Variants in KSR2 observed in about 807,000 individuals in gnomAD.
KSR2 encodes kinase suppressor of ras 2.
KSR2 carries 25 observed loss-of-function variants against 107.8 expected under a neutral mutation model. The observed-to-expected ratio is 0.23, with a 90% confidence interval of 0.17 to 0.32. The LOEUF is 0.32. Ranked by LOEUF, KSR2 falls within the 10% of genes least tolerant of loss-of-function variation. The pLI is 1.00. For missense variants in KSR2, 887 were observed against 1,268.9 expected (o/e 0.70, Z 4.57); for synonymous variants, 480 against 507.0 (o/e 0.95, Z 0.71).
intron 5 of KSR2, among the ~76,000 whole-genome samples, chr12:117,666,169 A>G (rs567113970): frequency 1.3e-5 from 2 of 152,304 alleles, no homozygotes; most frequent in East Asian, 3.9e-4. Context: ...CACATGGTTC[A>G]TCAGTCCATA....
chr12:117,932,066 C>T (rs1037997992), intron 1 of KSR2, among the ~76,000 whole-genome samples: 1 of 151,990 alleles, frequency 6.6e-6, no homozygotes, highest in Non-Finnish European at 1.5e-5. Flanking sequence ...GCGGGTGGAT[C>T]GCCTGAGGTC....
chr12:117,777,139 T>TATTA (rs1555238943), intron 3 of KSR2, among the ~76,000 whole-genome samples: 2,490 of 136,722 alleles, frequency 0.018, 27 homozygotes, highest in South Asian at 0.042. Context: ...ATACACTATA[T>TATTA]TATATATATA....
At chr12:117,693,436 AAAGGG>A (rs531580594) in intron 4 of KSR2, among the ~76,000 whole-genome samples, 152 of 152,276 alleles carry the variant, frequency 1.0e-3, no homozygotes, top group South Asian at 6.8e-3. Context: ...CCTAAACTAG[AAAGGG>A]AAGTTCATTT....
At chr12:117,928,984 C>A (rs1327215943) in intron 1 of KSR2, among the ~76,000 whole-genome samples, 2 of 152,194 alleles carry the variant, frequency 1.3e-5, no homozygotes, top group Admixed American at 6.5e-5. Flanking sequence ...AAGGAAAACA[C>A]TTCGCCTTAA....
intron 14 of KSR2, among the ~76,000 whole-genome samples, chr12:117,497,489 G>A (rs938676052): frequency 6.6e-6 from 1 of 152,098 alleles, no homozygotes; most frequent in Non-Finnish European, 1.5e-5. Context: ...TCCACGCAGG[G>A]CAGCATCATC....
chr12:117,632,331 T>C (rs1420102725), intron 5 of KSR2, among the ~76,000 whole-genome samples: 1 of 150,248 alleles, frequency 6.7e-6, no homozygotes, highest in Non-Finnish European at 1.5e-5. Context: ...TTCAAGTGAT[T>C]CTCCTGCCTC....
intron 1 of KSR2, among the ~76,000 whole-genome samples, chr12:117,961,023 T>G (rs1896645039): frequency 6.6e-6 from 1 of 152,134 alleles, no homozygotes; most frequent in African/African-American, 2.4e-5. Context: ...GGTCTTGAAC[T>G]CCTGGGTTCA....
chr12:117,673,295 G>C (rs2136506500), intron 4 of KSR2, among the ~76,000 whole-genome samples: 1 of 152,292 alleles, frequency 6.6e-6, no homozygotes, highest in East Asian at 1.9e-4. Context: ...ATGAAGGACA[G>C]AGAGGATGGG....
At chr12:117,702,892 T>G (rs1886381790) in intron 4 of KSR2, among the ~76,000 whole-genome samples, 1 of 152,216 alleles carries the variant, frequency 6.6e-6, no homozygotes. Context: ...ATTACATGTT[T>G]GGGCCATTTT....
chr12:117,898,298 G>A (rs1218037923), intron 1 of KSR2, among the ~76,000 whole-genome samples: 1 of 151,998 alleles, frequency 6.6e-6, no homozygotes, highest in Non-Finnish European at 1.5e-5. Context: ...AGGAAAACAG[G>A]AGGTTTTTAT....
intron 14 of KSR2, among the ~76,000 whole-genome samples, chr12:117,487,023 TTTA>T (rs1327734032): frequency 6.6e-6 from 1 of 151,950 alleles, no homozygotes; most frequent in East Asian, 1.9e-4. Context: ...GAGCTTCAGT[TTTA>T]TTATCTGCAA....
chr12:117,514,851 T>C (rs867687301), intron 14 of KSR2, among the ~76,000 whole-genome samples: 18 of 151,876 alleles, frequency 1.2e-4, no homozygotes, highest in African/African-American at 3.9e-4. Context: ...CCCGGTCAGA[T>C]CTCTCTAGTT....
chr12:117,762,331 C>T (rs774056545), intron 3 of KSR2, among the ~76,000 whole-genome samples: 16 of 152,194 alleles, frequency 1.1e-4, no homozygotes, highest in Admixed American at 2.6e-4. Flanking sequence ...CCTCAGCCAC[C>T]GCATACTTCC....
At chr12:117,818,432 G>A (rs1891451999) in intron 3 of KSR2, among the ~76,000 whole-genome samples, 2 of 151,890 alleles carry the variant, frequency 1.3e-5, no homozygotes, top group African/African-American at 4.8e-5. Context: ...TGTAAAGTGA[G>A]AAGAATAAAA....
chr12:117,644,968 G>C (rs1883549894), intron 5 of KSR2, among the ~76,000 whole-genome samples: 1 of 152,192 alleles, frequency 6.6e-6, no homozygotes, highest in Non-Finnish European at 1.5e-5. Context: ...CAACCCAGTT[G>C]ATTCAGTGGA....
intron 3 of KSR2, among the ~76,000 whole-genome samples, chr12:117,787,702 T>C (rs1454838097): frequency 6.6e-6 from 1 of 151,296 alleles, no homozygotes; most frequent in Non-Finnish European, 1.5e-5. Flanking sequence ...AGTGGAAGGG[T>C]AAGTAAACCA....
intron 8 of KSR2, among the ~76,000 whole-genome samples, chr12:117,557,447 AG>A (rs1247578416): frequency 6.6e-6 from 1 of 152,204 alleles, no homozygotes; most frequent in African/African-American, 2.4e-5. Context: ...AATTCCCTGC[AG>A]ATCCTGTTTA....
intron 7 of KSR2, among the ~76,000 whole-genome samples, chr12:117,565,026 G>A (rs1186332469): frequency 6.6e-6 from 1 of 152,152 alleles, no homozygotes; most frequent in Admixed American, 6.5e-5. Flanking sequence ...GATCTCCATG[G>A]GAACTGCGGG....
chr12:117,622,450 A>G (rs897426530), intron 5 of KSR2, among the ~76,000 whole-genome samples: 1 of 152,126 alleles, frequency 6.6e-6, no homozygotes, highest in Non-Finnish European at 1.5e-5. Context: ...TTCAACTGGC[A>G]TCTTATTCTC....
Sources: allele counts gnomAD v4.1 joint callset (sites outside exome capture counted in the v4.1 genomes callset), GRCh38; gene constraint gnomAD v4.1.1; transcripts MANE v1.5; gene names NCBI Gene and HGNC (gene_info 2026-07-23, HGNC 2026-07-21).